ABCE1: variants seen among roughly 807,000 people sequenced by gnomAD.
ABCE1 encodes the protein ATP binding cassette subfamily E member 1.
A neutral mutation model predicts 83.4 loss-of-function variants in ABCE1; 22 were observed. That is an observed-to-expected ratio of 0.26 (90% CI 0.19 to 0.38). The LOEUF is 0.38. Ranked by LOEUF, ABCE1 falls within the 10% of genes least tolerant of loss-of-function variation. The pLI, the probability that ABCE1 is intolerant of heterozygous loss-of-function variation, is 1.00. For synonymous variants in ABCE1, 204 were observed against 233.7 expected (o/e 0.87, Z 1.16); for missense variants, 330 against 721.9 (o/e 0.46, Z 6.22).
At chr4:145,099,422 A>T (rs985762186) in intron 1 of ABCE1, among the ~76,000 whole-genome samples, 16 of 152,228 alleles carry the variant, frequency 1.1e-4, no homozygotes, top group African/African-American at 3.9e-4. Context: ...TATACCAGCC[A>T]CCTGACACTA....
intron 1 of ABCE1, among the ~76,000 whole-genome samples, chr4:145,103,967 A>G (rs935220718): frequency 2.6e-5 from 4 of 151,984 alleles, no homozygotes; most frequent in African/African-American, 4.8e-5. Context: ...TGAATTAAAT[A>G]TATAAATTCA....
chr4:145,117,848 TC>T (rs1749645172), intron 10 of ABCE1, among the ~76,000 whole-genome samples: 1 of 151,850 alleles, frequency 6.6e-6, no homozygotes, highest in African/African-American at 2.4e-5. Flanking sequence ...ACTAAGGCTA[TC>T]TAAAAACCTA....
intron 1 of ABCE1, among the ~76,000 whole-genome samples, chr4:145,102,040 T>C (rs1179334142): frequency 6.6e-6 from 1 of 151,916 alleles, no homozygotes; most frequent in African/African-American, 2.4e-5. Context: ...TGAAGATGAG[T>C]GACCAGGAAA....
Position 145,128,452 on chromosome 4 carries a change from T to C in ABCE1, c.*879T>C, listed in dbSNP as rs1749953195. The C allele has an allele frequency of 6.6e-6, 1 of 152,202 alleles. No homozygotes were observed. The highest frequency in any genetic ancestry group is 2.1e-4 in the South Asian group (1 of 4,832). 9.4% of individuals were successfully genotyped at this position (152,202 alleles called of 1,614,324 possible). A position where few individuals can be genotyped will look rare whatever the true frequency, so the allele number is the denominator to read the frequency against. ...ATTTTTTTTAAGTTCCACAGATTTT[T>C]CTGTTGGGCAGCCAAGGATTATAAA... On this transcript the variant is annotated 3_prime_UTR_variant, in exon 18 of 18. Coordinates refer to ENST00000296577, the MANE Select transcript of ABCE1 (RefSeq NM_002940.3).
chr4:145,102,819 A>G (rs116471556), intron 1 of ABCE1, among the ~76,000 whole-genome samples: 25 of 152,282 alleles, frequency 1.6e-4, no homozygotes, highest in Admixed American at 3.9e-4. Flanking sequence ...TGGTTGGAGA[A>G]TGGAGTATTT....
chr4:145,114,072 C>T (rs568166503), intron 9 of ABCE1, among the ~76,000 whole-genome samples: 2 of 152,210 alleles, frequency 1.3e-5, no homozygotes, highest in East Asian at 3.9e-4. Flanking sequence ...CAGATACTAA[C>T]TAATTCATGT....
chr4:145,115,276 T>C (rs1160216404), intron 9 of ABCE1, among the ~76,000 whole-genome samples: 1 of 151,924 alleles, frequency 6.6e-6, no homozygotes, highest in Non-Finnish European at 1.5e-5. Context: ...TTTTCTTCTT[T>C]TCAAAGCAAA....
At chr4:145,117,650 G>T (rs943766073) in intron 10 of ABCE1, among the ~76,000 whole-genome samples, 2 of 151,750 alleles carry the variant, frequency 1.3e-5, no homozygotes, top group Admixed American at 1.3e-4. Flanking sequence ...TGTTACTTTT[G>T]TTGGGGGTTG....
At chr4:145,109,670 T>C (rs1054966662) in intron 5 of ABCE1, among the ~76,000 whole-genome samples, 4 of 152,208 alleles carry the variant, frequency 2.6e-5, no homozygotes, top group African/African-American at 7.2e-5. Flanking sequence ...TATTTGTAGA[T>C]ATTATAAAAT....
chr4:145,115,423 C>T (rs1244722594), intron 9 of ABCE1, among the ~76,000 whole-genome samples: 2 of 151,936 alleles, frequency 1.3e-5, no homozygotes, highest in Non-Finnish European at 2.9e-5. Flanking sequence ...ATCACCAGCT[C>T]ACCTGGGTGA....
Position 145,123,282 on chromosome 4 carries a change from A to T in ABCE1, c.1442A>T (p.Asp481Val). ...ALALCLGKPADVYLIDEPSAY... is the reference protein window; with the variant it reads ...ALALCLGKPAVVYLIDEPSAY... ...GCCCTTTGCTTGGGCAAACCTGCTG[A>T]TGTCTATTTAATTGATGAACCATCT... The change falls in exon 15 of 18, where the codon GAT (aspartate) becomes GTT (valine). Residue 481 changes from aspartate to valine, a missense_variant. By Grantham distance (152) the Asp-to-Val change is radical. Coordinates refer to ENST00000296577, the MANE Select transcript of ABCE1 (RefSeq NM_002940.3). 1 of 1,612,782 alleles carries T rather than the reference A, an allele frequency of 6.2e-7. No individual in the cohort carries two copies. The highest frequency in any genetic ancestry group is 8.5e-7 in the Non-Finnish European group (1 of 1,179,576).
At chr4:145,127,482 A>G (rs371748194) in intron 17 of ABCE1, 44 bp from the exon 18 acceptor site, 4 of 1,540,350 alleles carry the variant, frequency 2.6e-6, no homozygotes, top group Non-Finnish European at 3.5e-6. Flanking sequence ...TACCTATAGT[A>G]GAATCGTGTT....
intron 1 of ABCE1, among the ~76,000 whole-genome samples, chr4:145,099,871 T>C (rs932770879): frequency 6.6e-6 from 1 of 152,196 alleles, no homozygotes; most frequent in African/African-American, 2.4e-5. Flanking sequence ...AGAATGACAC[T>C]GAGGGTCATT....
chr4:145,113,102 AGTAATAGGACCAGATGTTGATGGTTTCT>A (rs1432745517), intron 9 of ABCE1, among the ~76,000 whole-genome samples: 1 of 152,204 alleles, frequency 6.6e-6, no homozygotes, highest in Non-Finnish European at 1.5e-5. Flanking sequence ...ACTATAGAGG[AGTAATAGGACCAGATGTTGATGGTTTCT>A]GTAATAGGTC....
rs1265147402 is a variant in ABCE1, at chr4:145,128,672, T to TCAGTGG, written c.*1099_*1100insCAGTGG. On this transcript the variant is annotated 3_prime_UTR_variant, in exon 18 of 18. Transcript: ENST00000296577. Reference sequence around the variant, plus strand: ...GATTACCTGGAGCCTGGAGCCACTTTAAGTTGTACTTCTGACTAAACTGGA... The same window carrying TCAGTGG: ...GATTACCTGGAGCCTGGAGCCACTTTCAGTGGAAGTTGTACTTCTGACTAAACTGGA... The TCAGTGG allele has an allele frequency of 6.6e-6, 1 of 152,218 alleles. No individual in the cohort carries two copies. The highest frequency in any genetic ancestry group is 1.5e-5 in the Non-Finnish European group (1 of 68,038). The allele number at this position is 152,218 out of a possible 1,614,324, so 9.4% of individuals were successfully genotyped here.
intron 4 of ABCE1, 141 bp from the exon 5 acceptor site, chr4:145,108,987 TAGCC>T (rs1407216965): frequency 1.2e-5 from 7 of 574,634 alleles, no homozygotes; most frequent in Non-Finnish European, 2.1e-5. Flanking sequence ...TTTTTCCTAA[TAGCC>T]AGTAATATCT....
rs959349840 is a variant in ABCE1, at chr4:145,117,341, C to T, written c.849C>T (p.Ser283=). ...ATCTAAGTGTATTAGACTATCTCTC[C>T]GACTTCATCTGCTGTTTATATGGTG... The part of the protein sequence containing the change: ...EHDLSVLDYL[S]DFICCLYGVP... Residue 283 remains serine (S), a synonymous_variant, in exon 10 of 18, where the codon TCC becomes TCT. Transcript: ENST00000296577. 6 of 1,610,002 alleles carry T rather than the reference C, an allele frequency of 3.7e-6. No homozygotes were observed. Among genetic ancestry groups the T allele is most frequent in the East Asian group, 2.2e-5 (1 of 44,766 alleles).
chr4:145,115,526 A>G (rs1430183394), intron 9 of ABCE1, among the ~76,000 whole-genome samples: 2 of 151,426 alleles, frequency 1.3e-5, no homozygotes, highest in African/African-American at 2.4e-5. Flanking sequence ...TTATTTTCCA[A>G]TTTTCCATTG....
intron 9 of ABCE1, 143 bp downstream of exon 9, chr4:145,112,471 T>C (rs1560960523): frequency 1.2e-5 from 8 of 643,576 alleles, no homozygotes; most frequent in Non-Finnish European, 2.1e-5. Context: ...TTTACCTTTC[T>C]TTACCTAGAA....
Sources: allele counts gnomAD v4.1 joint callset (sites outside exome capture counted in the v4.1 genomes callset), GRCh38; gene constraint gnomAD v4.1.1; transcripts MANE v1.5; gene names NCBI Gene and HGNC (gene_info 2026-07-23, HGNC 2026-07-21).